CCDC30: variants seen among roughly 807,000 people sequenced by gnomAD.
CCDC30 encodes coiled-coil domain-containing protein 30.
CCDC30 carries 70 observed loss-of-function variants against 100.2 expected under a neutral mutation model. The observed-to-expected ratio is 0.70, with a 90% CI of 0.58 to 0.85. CCDC30 has a LOEUF of 0.85. Ranked by LOEUF, CCDC30 falls within the 40% of genes least tolerant of loss-of-function variation. The probability of loss-of-function intolerance (pLI) is 0.00; values close to 1 mark genes in which losing one functional copy is unlikely to be tolerated. For synonymous variants in CCDC30, 233 were observed against 269.5 expected, an observed-to-expected ratio of 0.86 and a Z score of 1.33; for missense variants, 652 against 771.2, an observed-to-expected ratio of 0.85 and a Z score of 1.83.
At chr1:42,489,141 T>C (rs907999640) in intron 3 of CCDC30, among the ~76,000 whole-genome samples, 6 of 152,248 alleles carry the variant, frequency 3.9e-5, no homozygotes, top group Admixed American at 1.3e-4. Context: ...ACTGTTCTTT[T>C]AGTAAAAACA....
intron 6 of CCDC30, among the ~76,000 whole-genome samples, chr1:42,544,412 T>G (rs1422683298): frequency 6.6e-6 from 1 of 152,250 alleles, no homozygotes; most frequent in Non-Finnish European, 1.5e-5. Context: ...GGAGGCTTAT[T>G]TAAAGTACAG....
intron 10 of CCDC30, among the ~76,000 whole-genome samples, chr1:42,598,189 A>C (rs12139867): frequency 0.21 from 32,433 of 151,246 alleles, 4,508 homozygotes; most frequent in Non-Finnish European, 0.29. Context: ...AAAATTACCA[A>C]CCTAGAATTC....
rs150384811 is a variant in CCDC30, at chr1:42,476,114, T to C, written c.-91-4347T>C. On this transcript the variant is annotated intron_variant, in intron 1 of 16. Transcript: ENST00000668663. ...ATAAGAGTTACTTTAACAAGGTCTG[T>C]AAAGAATTCTCTTGGCCTCAACTTC... is the stretch of plus-strand genomic sequence containing the variant. 2.4e-3 allele frequency among the ~76,000 whole-genome samples: 368 copies of C among 152,274 alleles called. 1 individual carries two copies. Among genetic ancestry groups the C allele is most frequent in the Non-Finnish European group, 3.4e-3 (234 of 68,014 alleles).
At chr1:42,489,045 G>A (rs762047334) in intron 3 of CCDC30, among the ~76,000 whole-genome samples, 4 of 152,022 alleles carry the variant, frequency 2.6e-5, no homozygotes, top group Admixed American at 6.6e-5. Context: ...TATATTACTC[G>A]TCTTATTCCC....
chr1:42,585,476 CT>C (rs1233880164), intron 9 of CCDC30, among the ~76,000 whole-genome samples: 2 of 151,996 alleles, frequency 1.3e-5, no homozygotes, highest in African/African-American at 2.4e-5. Flanking sequence ...TTTTATTCAT[CT>C]TTTCAAAGAA....
chr1:42,499,028 T>C (rs968276700), intron 6 of CCDC30, 112 bp downstream of exon 6: 2 of 483,782 alleles, frequency 4.1e-6, no homozygotes, highest in Non-Finnish European at 6.6e-6. Context: ...CTTATTGGGC[T>C]GTCTTTTTCT....
chr1:42,636,988 AAAAAG>A (rs1647172512), intron 11 of CCDC30, among the ~76,000 whole-genome samples: 1 of 150,524 alleles, frequency 6.6e-6, no homozygotes, highest in African/African-American at 2.4e-5. Flanking sequence ...AAAAAAAAAA[AAAAAG>A]ACCAAGATAA....
Position 42,589,400 on chromosome 1 carries a change from AC to A in CCDC30, c.1083del (p.Cys362ValfsTer57), listed in dbSNP as rs1426791643. Reference sequence around the variant, plus strand: ...AGATAAAGAAAATCTACTGGAAATGACCTGTTCTCAGCAACAATCCAGAATT... The same window carrying A: ...AGATAAAGAAAATCTACTGGAAATGACTGTTCTCAGCAACAATCCAGAATT... On this transcript the variant is annotated frameshift_variant, in exon 10 of 17. Transcript: ENST00000668663. LOFTEE classifies it high-confidence loss of function. The A allele has an allele frequency of 1.2e-6, 2 of 1,613,710 alleles. No homozygotes were observed. Among genetic ancestry groups the A allele is most frequent in the African/African-American group, 2.7e-5 (2 of 74,902 alleles).
intron 6 of CCDC30, among the ~76,000 whole-genome samples, chr1:42,543,033 A>G (rs1376420006): frequency 6.6e-6 from 1 of 152,146 alleles, no homozygotes; most frequent in East Asian, 1.9e-4. Flanking sequence ...CAAGCTCATT[A>G]ATAAAATTGT....
At chr1:42,577,317 A>T (rs2148584923) in intron 8 of CCDC30, 88 bp downstream of exon 12, 2 of 851,848 alleles carry the variant, frequency 2.3e-6, no homozygotes, top group East Asian at 2.6e-5. Flanking sequence ...AATAAATATG[A>T]TGCAGACTTG....
At chr1:42,558,566 T>C (rs913276721) in intron 6 of CCDC30, among the ~76,000 whole-genome samples, 2 of 152,150 alleles carry the variant, frequency 1.3e-5, no homozygotes, top group African/African-American at 2.4e-5. Context: ...AATTGAAGTA[T>C]AGAAGATGAA....
chr1:42,473,876 G>A (rs976445158), intron 1 of CCDC30, among the ~76,000 whole-genome samples: 3 of 152,152 alleles, frequency 2.0e-5, no homozygotes, highest in African/African-American at 7.2e-5. Context: ...GAGATAGCCA[G>A]GTTTCCACAA....
At chr1:42,542,185 G>C (rs1277323378) in intron 6 of CCDC30, among the ~76,000 whole-genome samples, 1 of 152,132 alleles carries the variant, frequency 6.6e-6, no homozygotes, top group Non-Finnish European at 1.5e-5. Context: ...TGTCATGGAG[G>C]GTCTGATGGC....
chr1:42,512,818 C>T (rs1644499538), intron 6 of CCDC30, among the ~76,000 whole-genome samples: 1 of 152,162 alleles, frequency 6.6e-6, no homozygotes, highest in African/African-American at 2.4e-5. Context: ...CTCATTCAAA[C>T]ATGGCCAACA....
At chr1:42,487,934 A>G (rs1644077376) in intron 3 of CCDC30, among the ~76,000 whole-genome samples, 1 of 152,198 alleles carries the variant, frequency 6.6e-6, no homozygotes, top group Admixed American at 6.5e-5. Context: ...TGACCTAGAG[A>G]AACGTGAACT....
intron 4 of CCDC30, among the ~76,000 whole-genome samples, chr1:42,492,747 A>C (rs180874407): frequency 6.4e-4 from 98 of 152,128 alleles, no homozygotes; most frequent in African/African-American, 2.2e-3. Flanking sequence ...TCCTAGGTTC[A>C]AGCAATTCTC....
chr1:42,562,137 C>T (rs1645501843), intron 6 of CCDC30, among the ~76,000 whole-genome samples: 1 of 152,090 alleles, frequency 6.6e-6, no homozygotes, highest in African/African-American at 2.4e-5. Context: ...AAGAAGACCC[C>T]ATATAGCCAA....
downstream of CCDC30, among the ~76,000 whole-genome samples, chr1:42,657,082 C>T (rs904374194): frequency 1.3e-5 from 2 of 152,134 alleles, no homozygotes; most frequent in African/African-American, 4.8e-5. Context: ...TTGAGACACA[C>T]TGTATTTTTA....
chr1:42,555,178 A>C (rs1645343208), intron 6 of CCDC30, among the ~76,000 whole-genome samples: 1 of 152,226 alleles, frequency 6.6e-6, no homozygotes, highest in Admixed American at 6.5e-5. Flanking sequence ...TTTCCCTGCC[A>C]CATGGCATCC....
Sources: allele counts gnomAD v4.1 joint callset (sites outside exome capture counted in the v4.1 genomes callset), GRCh38; gene constraint gnomAD v4.1.1; transcripts MANE v1.5; gene names NCBI Gene and HGNC (gene_info 2026-07-23, HGNC 2026-07-21).